The following PDS5A variants were observed in gnomAD, a reference collection of about 807,000 sequenced individuals.
PDS5A encodes the protein sister chromatid cohesion protein PDS5 homolog A.
Under a neutral mutation model 167.1 loss-of-function variants are expected in PDS5A, and 42 were observed. The ratio of observed to expected loss-of-function variants is 0.25; its 90% CI spans 0.20 to 0.33. The LOEUF (loss-of-function observed/expected upper bound fraction) is 0.33, where lower values mean the gene tolerates loss of function less well. Ranked by LOEUF, PDS5A falls within the 10% of genes least tolerant of loss-of-function variation. The pLI, the probability that PDS5A is intolerant of heterozygous loss-of-function variation, is 1.00. For synonymous variants in PDS5A, 553 were observed against 554.6 expected (o/e 1.00, Z 0.04); for missense variants, 1,033 against 1,605.9 (o/e 0.64, Z 6.10).
intron 5 of PDS5A, 93 bp from the exon 6 acceptor site, chr4:39,922,841 C>A: frequency 7.8e-7 from 1 of 1,289,450 alleles, no homozygotes; most frequent in Non-Finnish European, 1.0e-6. Flanking sequence ...TAGTTTAAAA[C>A]AACAATCTCA....
intron 2 of PDS5A, among the ~76,000 whole-genome samples, chr4:39,968,110 G>A (rs918301358): frequency 2.0e-5 from 3 of 152,044 alleles, no homozygotes; most frequent in African/African-American, 7.2e-5. Flanking sequence ...CTATTTATAA[G>A]TGTATTTTAT....
At chr4:39,938,746 TGGATCACAAGGTCAG>T (rs1300150457) in intron 2 of PDS5A, among the ~76,000 whole-genome samples, 1 of 149,454 alleles carries the variant, frequency 6.7e-6, no homozygotes, top group Non-Finnish European at 1.5e-5. Context: ...CTGAGGCCGA[TGGATCACAAGGTCAG>T]GAGATCAAGA....
At chr4:39,915,978 T>C (rs1367355480) in intron 8 of PDS5A, among the ~76,000 whole-genome samples, 3 of 152,136 alleles carry the variant, frequency 2.0e-5, no homozygotes, top group African/African-American at 7.2e-5. Context: ...CTCATGCCTG[T>C]AATCTCAGTA....
Position 39,928,352 on chromosome 4 carries a change from T to TA in PDS5A, c.139-189dup, listed in dbSNP as rs546183467. 5.4e-4 allele frequency among the ~76,000 whole-genome samples: 82 copies of TA among 152,202 alleles called. 2 individuals are homozygous for TA. In the South Asian group the frequency reaches 0.017, roughly 31 times the overall value. ...GATCACAAGCATGAAACGGCTAGTCTAAAAAACCCATAAACAAGTATCACC... is the reference window on the plus strand; with the variant it reads ...GATCACAAGCATGAAACGGCTAGTCTAAAAAAACCCATAAACAAGTATCACC... On this transcript the variant is annotated intron_variant, in intron 2 of 32. Coordinates refer to ENST00000303538, the MANE Select transcript of PDS5A (RefSeq NM_001100399.2).
intron 2 of PDS5A, among the ~76,000 whole-genome samples, chr4:39,948,369 G>A (rs1042954073): frequency 3.6e-5 from 5 of 137,976 alleles, no homozygotes; most frequent in African/African-American, 1.4e-4. Flanking sequence ...CCAGGCTGGA[G>A]TGCAATGGTG....
At chr4:39,854,984 T>G (rs1578611884) in intron 26 of PDS5A, among the ~76,000 whole-genome samples, 1 of 152,216 alleles carries the variant, frequency 6.6e-6, no homozygotes, top group East Asian at 1.9e-4. Flanking sequence ...TATTAAACAT[T>G]AAAGGCTATA....
At chr4:39,849,436 G>GA in intron 27 of PDS5A, 84 bp downstream of exon 27, 1 of 526,718 alleles carries the variant, frequency 1.9e-6, no homozygotes, top group Non-Finnish European at 3.1e-6. Context: ...ACTACGTATG[G>GA]CCAAAAAAAA....
At chr4:39,848,256 G>A (rs1020331939) in intron 28 of PDS5A, 25 of 153,566 alleles carry the variant, frequency 1.6e-4, no homozygotes, top group Admixed American at 1.0e-3. Flanking sequence ...CCTAACAGCA[G>A]GAAATAAACA....
chr4:39,839,754 T>G (rs986242330), intron 31 of PDS5A, among the ~76,000 whole-genome samples: 20 of 107,664 alleles, frequency 1.9e-4, no homozygotes, highest in Admixed American at 5.4e-4. Flanking sequence ...AATATGATTC[T>G]GGGGGGGGGG....
chr4:39,899,554 A>C (rs1722699920), intron 14 of PDS5A, among the ~76,000 whole-genome samples: 1 of 152,084 alleles, frequency 6.6e-6, no homozygotes, highest in Non-Finnish European at 1.5e-5. Flanking sequence ...ATTTATTTTC[A>C]AAGTTTGCTA....
chr4:39,906,827 C>T (rs1723393481), intron 11 of PDS5A, among the ~76,000 whole-genome samples: 1 of 145,342 alleles, frequency 6.9e-6, no homozygotes, highest in Admixed American at 7.1e-5. Context: ...TTTTTTGTAT[C>T]ATTTTCTCAT....
intron 21 of PDS5A, among the ~76,000 whole-genome samples, chr4:39,871,479 A>C (rs1720024157): frequency 1.3e-5 from 2 of 152,140 alleles, no homozygotes; most frequent in African/African-American, 2.4e-5. Flanking sequence ...CAAAAGTGGA[A>C]GGTGGTACAA....
chr4:39,852,228 AAAC>A (rs1466505345), intron 26 of PDS5A, among the ~76,000 whole-genome samples: 1 of 152,208 alleles, frequency 6.6e-6, no homozygotes, highest in African/African-American at 2.4e-5. Flanking sequence ...ACAGGATACA[AAAC>A]AATACATATA....
At chr4:39,942,307 C>T (rs1055851155) in intron 2 of PDS5A, among the ~76,000 whole-genome samples, 2 of 152,108 alleles carry the variant, frequency 1.3e-5, no homozygotes, top group African/African-American at 2.4e-5. Flanking sequence ...TACAGCTTTA[C>T]ACAGAAAAAA....
At chr4:39,949,464 G>A (rs562728595) in intron 2 of PDS5A, among the ~76,000 whole-genome samples, 1 of 152,056 alleles carries the variant, frequency 6.6e-6, no homozygotes, top group South Asian at 2.1e-4. Flanking sequence ...TGATTCCTTA[G>A]GACTGTGGGG....
At chr4:39,916,925 A>C (rs932034778) in intron 8 of PDS5A, 123 bp downstream of exon 8, 1 of 492,520 alleles carries the variant, frequency 2.0e-6, no homozygotes, top group Admixed American at 4.3e-5. Flanking sequence ...AGTTACAGAA[A>C]AATTATGCGG....
chr4:39,917,648 T>A (rs1010797919), intron 7 of PDS5A, among the ~76,000 whole-genome samples: 3 of 152,058 alleles, frequency 2.0e-5, no homozygotes, highest in African/African-American at 7.2e-5. Flanking sequence ...GATCTCGGCT[T>A]ACTGCAACTT....
intron 1 of PDS5A, 69 bp from the exon 2 acceptor site, chr4:39,976,686 C>A (rs1731121666): frequency 1.3e-6 from 1 of 787,592 alleles, no homozygotes; most frequent in Non-Finnish European, 2.0e-6. Context: ...CATTTCAAAT[C>A]TCTCTAATCT....
intron 32 of PDS5A, among the ~76,000 whole-genome samples, chr4:39,829,279 G>A (rs1020423135): frequency 6.6e-6 from 1 of 152,190 alleles, no homozygotes. Context: ...TTGTAGCAAG[G>A]TGGAAGCTGC....
Sources: gnomAD v4.1 joint callset for allele counts (sites outside exome capture counted in the v4.1 genomes callset) on GRCh38, gnomAD v4.1.1 for gene constraint, MANE v1.5 for transcripts, NCBI Gene and HGNC (gene_info 2026-07-23, HGNC 2026-07-21) for gene names.